Variants in ELMOD1 observed in about 807,000 individuals in gnomAD.
ELMOD1 encodes the protein ELMO domain-containing protein 1.
In ELMOD1, 21 loss-of-function variants were observed where a neutral mutation model predicts 46.7. The ratio of observed to expected loss-of-function variants is 0.45; its 90% CI spans 0.32 to 0.65. ELMOD1 has a LOEUF of 0.65. ELMOD1 is among the 30% of genes least tolerant of loss of function. The pLI, the probability that ELMOD1 is intolerant of heterozygous loss-of-function variation, is 0.04. For missense variants in ELMOD1, 348 were observed against 407.8 expected (o/e 0.85, Z 1.26); for synonymous variants, 122 against 138.2 (o/e 0.88, Z 0.82).
intron 1 of ELMOD1, among the ~76,000 whole-genome samples, chr11:107,617,363 A>G (rs1865880110): frequency 6.6e-6 from 1 of 151,998 alleles, no homozygotes; most frequent in Admixed American, 6.6e-5. Flanking sequence ...CTCTTTTCTC[A>G]TGAGATAACT....
At position 107,635,702 on chromosome 11, in the gene ELMOD1, G is replaced by A; in HGVS notation, c.357G>A (p.Val119=). The A allele has an allele frequency of 6.2e-7, 1 of 1,613,876 alleles. No individual in the cohort carries two copies. Among genetic ancestry groups the A allele is most frequent in the Middle Eastern group, 1.6e-4 (1 of 6,062 alleles). ...IVGYRNLIAD[V]EKLRREAYDS... ...GGTACAGGAACCTTATTGCAGATGT[G>A]GAAAAACTGCGTAGAGAGGCCTATG... Residue 119 remains valine, a synonymous_variant, in exon 6 of 12, where the codon GTG becomes GTA. Coordinates refer to ENST00000265840, the MANE Select transcript of ELMOD1 (RefSeq NM_018712.4).
intron 11 of ELMOD1, among the ~76,000 whole-genome samples, chr11:107,658,383 CT>C (rs1323710327): frequency 6.6e-6 from 1 of 152,054 alleles, no homozygotes; most frequent in Non-Finnish European, 1.5e-5. Context: ...ATGTAAGTCC[CT>C]TACATACATT....
rs569286157 is a variant in ELMOD1, at chr11:107,662,564, C to A, written c.833-2461C>A. Among the ~76,000 whole-genome samples the A allele has an allele frequency of 2.0e-5, 3 of 149,622 alleles. No homozygotes were observed. In the South Asian group the frequency reaches 6.3e-4, roughly 31 times the overall value. On this transcript the variant is annotated intron_variant, in intron 11 of 11. Transcript: ENST00000265840. Reference sequence around the variant, plus strand: ...GGCAGAGGTTGTGGTGAGCCAAGATCGTGCCATTGCACTCCAGCCTGGGCA... The same window carrying A: ...GGCAGAGGTTGTGGTGAGCCAAGATAGTGCCATTGCACTCCAGCCTGGGCA...
chr11:107,608,604 CA>C (rs1378671756), intron 1 of ELMOD1, among the ~76,000 whole-genome samples: 2 of 152,144 alleles, frequency 1.3e-5, no homozygotes, highest in African/African-American at 4.8e-5. Flanking sequence ...ATACTGCCAA[CA>C]GTTTTTATTG....
chr11:107,641,600 G>C (rs1866324668), intron 6 of ELMOD1, among the ~76,000 whole-genome samples: 1 of 152,122 alleles, frequency 6.6e-6, no homozygotes, highest in Admixed American at 6.5e-5. Context: ...GACAGGGCAG[G>C]CTTCCAGTGG....
chr11:107,601,416 C>CTTTTTTTTTTTTTTTTTTTTTTT (rs56341702), intron 1 of ELMOD1, among the ~76,000 whole-genome samples: 1 of 122,120 alleles, frequency 8.2e-6, no homozygotes, highest in Non-Finnish European at 1.7e-5. Flanking sequence ...TTAATTTTTT[C>CTTTTTTTTTTTTTTTTTTTTTTT]TTTTTTTTTT....
intron 11 of ELMOD1, among the ~76,000 whole-genome samples, chr11:107,659,562 G>A (rs1460733949): frequency 6.7e-6 from 1 of 149,884 alleles, no homozygotes; most frequent in Non-Finnish European, 1.5e-5. Context: ...TAAAGAATTG[G>A]CATTTAAGGG....
chr11:107,652,459 G>A (rs1565389447), intron 9 of ELMOD1, among the ~76,000 whole-genome samples: 1 of 152,122 alleles, frequency 6.6e-6, no homozygotes, highest in Non-Finnish European at 1.5e-5. Flanking sequence ...TTTGGGCCAG[G>A]ATATCCTATA....
chr11:107,654,625 C>G (rs529337613), intron 10 of ELMOD1, among the ~76,000 whole-genome samples: 1 of 152,004 alleles, frequency 6.6e-6, no homozygotes, highest in African/African-American at 2.4e-5. Flanking sequence ...AAAAATTAGC[C>G]GGGCGTGTTG....
chr11:107,623,124 G>T (rs901318974), intron 2 of ELMOD1, among the ~76,000 whole-genome samples: 2 of 151,208 alleles, frequency 1.3e-5, no homozygotes, highest in African/African-American at 4.9e-5. Flanking sequence ...ATCCCTCCCC[G>T]ATTCCCCCAC....
At chr11:107,641,810 C>T (rs895724586) in intron 6 of ELMOD1, among the ~76,000 whole-genome samples, 4 of 151,952 alleles carry the variant, frequency 2.6e-5, no homozygotes, top group African/African-American at 7.3e-5. Context: ...ACTCATTTCC[C>T]AAAATGAGAT....
chr11:107,649,069 C>T (rs1156476424), intron 7 of ELMOD1, among the ~76,000 whole-genome samples: 5 of 152,080 alleles, frequency 3.3e-5, no homozygotes. Flanking sequence ...TTAATAATCA[C>T]CCATTCTTTT....
chr11:107,611,982 C>T (rs1389673592), intron 1 of ELMOD1, among the ~76,000 whole-genome samples: 1 of 152,264 alleles, frequency 6.6e-6, no homozygotes, highest in East Asian at 1.9e-4. Flanking sequence ...GACCTTAAAA[C>T]GATCTACCAT....
intron 11 of ELMOD1, among the ~76,000 whole-genome samples, chr11:107,657,369 C>A: frequency 6.6e-6 from 1 of 152,048 alleles, no homozygotes; most frequent in Non-Finnish European, 1.5e-5. Flanking sequence ...CATAGCGAGA[C>A]CCTGACTCTA....
intron 1 of ELMOD1, among the ~76,000 whole-genome samples, chr11:107,598,013 T>C (rs1006520244): frequency 6.6e-6 from 1 of 152,320 alleles, no homozygotes; most frequent in African/African-American, 2.4e-5. Context: ...TACTCTGTCA[T>C]TACTCTGCAT....
intron 2 of ELMOD1, chr11:107,620,099 G>A (rs142839544): frequency 3.9e-5 from 6 of 152,316 alleles, no homozygotes; most frequent in Non-Finnish European, 8.8e-5. Context: ...AGAAGGTTAT[G>A]TAAGCAAAGC....
intron 11 of ELMOD1, among the ~76,000 whole-genome samples, chr11:107,656,849 G>A (rs1866643572): frequency 6.6e-6 from 1 of 152,026 alleles, no homozygotes; most frequent in South Asian, 2.1e-4. Flanking sequence ...AGGATTAGAA[G>A]ATTAAGTTGA....
At chr11:107,642,473 AT>A (rs1288352660) in intron 6 of ELMOD1, among the ~76,000 whole-genome samples, 7 of 151,592 alleles carry the variant, frequency 4.6e-5, no homozygotes, top group Non-Finnish European at 1.0e-4. Flanking sequence ...GGTTCAATCA[AT>A]TCTCTGCCTC....
rs552685708 is a variant in ELMOD1 at position 107,625,232 on chromosome 11, A to G, written c.18-5185A>G. Among the ~76,000 whole-genome samples the G allele has an allele frequency of 3.9e-5, 6 of 152,328 alleles. No individual in the cohort carries two copies. In the East Asian group the frequency reaches 1.2e-3, roughly 29 times the overall value. Reference sequence around the variant, plus strand: ...GTCAGTGCCCCTACTTAGGAACTTCAGTGGAGCAACTAAATGATCTGTCGG... The same window carrying G: ...GTCAGTGCCCCTACTTAGGAACTTCGGTGGAGCAACTAAATGATCTGTCGG... On this transcript the variant is annotated intron_variant, in intron 2 of 11. Transcript: ENST00000265840.
Sources: gnomAD v4.1 joint callset for allele counts (sites outside exome capture counted in the v4.1 genomes callset) on GRCh38, gnomAD v4.1.1 for gene constraint, MANE v1.5 for transcripts, NCBI Gene and HGNC (gene_info 2026-07-23, HGNC 2026-07-21) for gene names.